Variants in PSMD11 observed in about 807,000 individuals in gnomAD.
The protein encoded by PSMD11 is 26S proteasome non-ATPase regulatory subunit 11.
A neutral mutation model predicts 62.3 loss-of-function variants in PSMD11; 5 were observed. That is an observed-to-expected ratio of 0.08 (90% CI 0.04 to 0.17). PSMD11 has a LOEUF of 0.17. Ranked by LOEUF, PSMD11 falls within the 10% of genes least tolerant of loss-of-function variation. PSMD11 has a pLI of 1.00. For synonymous variants in PSMD11, 191 were observed against 191.8 expected, an observed-to-expected ratio of 1.00 and a Z score of 0.03; for missense variants, 310 against 512.9, an observed-to-expected ratio of 0.60 and a Z score of 3.82.
chr17:32,449,924 T>C (rs1183169850), intron 2 of PSMD11, among the ~76,000 whole-genome samples: 1 of 152,220 alleles, frequency 6.6e-6, no homozygotes, highest in East Asian at 1.9e-4. Flanking sequence ...AAAAATCACT[T>C]GGGGATTACC....
chr17:32,454,756 T>C (rs1253875191), intron 3 of PSMD11, 137 bp downstream of exon 3: 1 of 939,322 alleles, frequency 1.1e-6, no homozygotes, highest in African/African-American at 1.7e-5. Context: ...TGTCAGTTTC[T>C]CTTTGTTACA....
At chr17:32,456,377 T>G (rs1485620829) in intron 3 of PSMD11, among the ~76,000 whole-genome samples, 1 of 151,036 alleles carries the variant, frequency 6.6e-6, no homozygotes, top group Non-Finnish European at 1.5e-5. Context: ...ACAGCATTTA[T>G]TTTTTTTTAT....
rs1252337973 is a variant in PSMD11 at position 32,464,582 on chromosome 17, A to G, written c.448+4A>G. The G allele has an allele frequency of 6.2e-7, 1 of 1,604,432 alleles. No individual in the cohort carries two copies. The highest frequency in any genetic ancestry group is 1.7e-5 in the Admixed American group (1 of 59,356). ...TACCAGGAAGCATTGCATTTGGGTA[A>G]GTAAGCTGGTAATAAGTCATCTCAG... On this transcript the variant is annotated splice_donor_region_variant and intron_variant, in intron 5 of 13. Transcript: ENST00000261712.
At position 32,480,369 on chromosome 17, in the gene PSMD11, G is replaced by A. The variant is rs185552294; in HGVS notation, c.1127-120G>A. 6 of 1,456,982 alleles carry A rather than the reference G, an allele frequency of 4.1e-6. No individual in the cohort carries two copies. The East Asian group carries it at 1.4e-4, about 33-fold the overall frequency. 90.3% of individuals were successfully genotyped at this position (1,456,982 alleles called of 1,614,324 possible). On this transcript the variant is annotated intron_variant, in intron 12 of 13. Coordinates refer to ENST00000261712, the MANE Select transcript of PSMD11 (RefSeq NM_002815.4). ...TAAGCATGTGTACATGGAATAGGGA[G>A]ATGAATTCTATTTCCCTTCTTTTCT... is the stretch of plus-strand genomic sequence containing the variant.
At chr17:32,444,927 G>T in intron 1 of PSMD11, 1 of 447,666 alleles carries the variant, frequency 2.2e-6, no homozygotes, top group Non-Finnish European at 4.0e-6. Flanking sequence ...GCTCTGGCCC[G>T]CACGAGCTGG....
At chr17:32,467,652 A>G (rs1908036786) in intron 5 of PSMD11, among the ~76,000 whole-genome samples, 1 of 152,124 alleles carries the variant, frequency 6.6e-6, no homozygotes, top group Non-Finnish European at 1.5e-5. Flanking sequence ...CTGTCACCCA[A>G]CCTGGATGGA....
At chr17:32,445,756 T>C (rs954226331) in intron 1 of PSMD11, 3 of 152,222 alleles carry the variant, frequency 2.0e-5, no homozygotes, top group African/African-American at 7.2e-5. Flanking sequence ...ATTTTGGTAT[T>C]CCAGACCTGC....
chr17:32,458,044 C>T (rs929484152), intron 3 of PSMD11, among the ~76,000 whole-genome samples: 5 of 152,162 alleles, frequency 3.3e-5, no homozygotes, highest in Admixed American at 6.5e-5. Flanking sequence ...TGTGATCTGC[C>T]GGCCTCAGCC....
At chr17:32,476,341 A>G (rs921380315) in intron 8 of PSMD11, among the ~76,000 whole-genome samples, 2 of 152,186 alleles carry the variant, frequency 1.3e-5, no homozygotes, top group East Asian at 1.9e-4. Context: ...GGGACATCCA[A>G]GTGTTCAGGG....
At chr17:32,477,658 A>G in intron 9 of PSMD11, 75 bp downstream of exon 9, 6 of 1,317,590 alleles carry the variant, frequency 4.6e-6, no homozygotes, top group Non-Finnish European at 6.4e-6. Flanking sequence ...ACACACTTTT[A>G]AAAATAATTA....
At chr17:32,454,664 T>G in intron 3 of PSMD11, 45 bp downstream of exon 3, 1 of 1,599,484 alleles carries the variant, frequency 6.3e-7, no homozygotes, top group South Asian at 1.1e-5. Context: ...GGAGAAAAGT[T>G]TGTTTCCAAG....
intron 2 of PSMD11, among the ~76,000 whole-genome samples, chr17:32,453,402 A>G (rs889935602): frequency 1.3e-5 from 2 of 152,184 alleles, no homozygotes; most frequent in African/African-American, 4.8e-5. Flanking sequence ...GCAGAGGTGA[A>G]TGAGGTGGCA....
chr17:32,477,344 A>T (rs1779206485), intron 8 of PSMD11, 177 bp from the exon 9 acceptor site: 1 of 455,520 alleles, frequency 2.2e-6, no homozygotes, highest in Non-Finnish European at 3.9e-6. Context: ...ACAGGTTGGC[A>T]TATAGTGGTA....
intron 3 of PSMD11, among the ~76,000 whole-genome samples, chr17:32,462,440 G>T (rs1907869799): frequency 6.6e-6 from 1 of 151,880 alleles, no homozygotes; most frequent in Non-Finnish European, 1.5e-5. Context: ...TTAGTTTTTG[G>T]TTCTGTCTTA....
chr17:32,450,453 G>A lies in PSMD11; in HGVS notation c.193+3407G>A, dbSNP rs1195405765. 5.6e-5 allele frequency among the ~76,000 whole-genome samples: 8 copies of A among 142,338 alleles called. No individual in the cohort carries two copies. The South Asian group carries it at 1.8e-3, about 31-fold the overall frequency. The allele number at this position is 142,338 out of a possible 152,430, so 93.4% of individuals were successfully genotyped here. A position where few individuals can be genotyped will look rare whatever the true frequency, so the allele number is the denominator to read the frequency against. On this transcript the variant is annotated intron_variant, in intron 2 of 13. Transcript: ENST00000261712. ...TTTTTTTTTTTTTTCTTTTAGTAGA[G>A]ACGAGGTTTCACCATGTTGGCCAGG...
At chr17:32,468,396 A>G (rs1365062061) in intron 5 of PSMD11, among the ~76,000 whole-genome samples, 3 of 151,944 alleles carry the variant, frequency 2.0e-5, no homozygotes, top group South Asian at 4.2e-4. Context: ...CTAAGAAACC[A>G]TTGCCAAATC....
At chr17:32,475,783 A>G (rs1349943903) in intron 8 of PSMD11, among the ~76,000 whole-genome samples, 2 of 151,808 alleles carry the variant, frequency 1.3e-5, no homozygotes, top group East Asian at 3.9e-4. Context: ...TAGTAGAGAC[A>G]GGGTTTTGCC....
intron 2 of PSMD11, among the ~76,000 whole-genome samples, chr17:32,450,566 C>T (rs1290075411): frequency 6.6e-6 from 1 of 151,546 alleles, no homozygotes; most frequent in African/African-American, 2.4e-5. Flanking sequence ...CGCGCCCAGC[C>T]AAGTTCTGTG....
chr17:32,468,133 G>A (rs543802517), intron 5 of PSMD11, among the ~76,000 whole-genome samples: 1 of 152,086 alleles, frequency 6.6e-6, no homozygotes, highest in Non-Finnish European at 1.5e-5. Context: ...ACGTGATCTC[G>A]TTCTTTTTTA....
Sources: allele counts gnomAD v4.1 joint callset (sites outside exome capture counted in the v4.1 genomes callset), GRCh38; gene constraint gnomAD v4.1.1; transcripts MANE v1.5; gene names NCBI Gene and HGNC (gene_info 2026-07-23, HGNC 2026-07-21).